The following GEN1 variants were observed in gnomAD, a reference collection of about 807,000 sequenced individuals.
The protein encoded by GEN1 is GEN1 structure-specific endonuclease.
GEN1 carries 64 observed loss-of-function variants against 67.6 expected under a neutral mutation model. That is an observed-to-expected ratio of 0.95 (90% CI 0.77 to 1.17). The LOEUF is 1.17. GEN1 is among the 50% of genes most tolerant of loss of function. GEN1 has a pLI of 0.00. For synonymous variants in GEN1, 371 were observed against 359.4 expected, an observed-to-expected ratio of 1.03 and a Z score of -0.37; for missense variants, 1,058 against 1,048.3, an observed-to-expected ratio of 1.01 and a Z score of -0.13.
At position 17,783,060 on chromosome 2, in the gene GEN1, G is replaced by T. The variant is rs1572429901; in HGVS notation, c.*1121G>T. ...GCAATGATCATTGCATTTTGTTTTT[G>T]TTTGTTTGTTTTTTTTTGAGACAGA... On this transcript the variant is annotated 3_prime_UTR_variant, in exon 14 of 14. Coordinates refer to ENST00000381254, the MANE Select transcript of GEN1 (RefSeq NM_001130009.3). The T allele has an allele frequency of 6.6e-6, 1 of 151,652 alleles. No individual in the cohort carries two copies. The highest frequency in any genetic ancestry group is 1.9e-4 in the East Asian group (1 of 5,178). 9.4% of individuals were successfully genotyped at this position (151,652 alleles called of 1,614,324 possible). A position where few individuals can be genotyped will look rare whatever the true frequency, so the allele number is the denominator to read the frequency against.
At chr2:17,769,679 G>A (rs1045923693) in intron 6 of GEN1, among the ~76,000 whole-genome samples, 13 of 151,940 alleles carry the variant, frequency 8.6e-5, no homozygotes, top group African/African-American at 2.9e-4. Context: ...ACATTAATTC[G>A]TTTAGTCTCT....
intron 5 of GEN1, among the ~76,000 whole-genome samples, chr2:17,767,925 A>G (rs1672007895): frequency 6.6e-6 from 1 of 152,234 alleles, no homozygotes; most frequent in Non-Finnish European, 1.5e-5. Context: ...CATAGGCAAT[A>G]GAGATGGAAG....
rs765801668 is a variant in GEN1, at chr2:17,781,229, C to T, written c.2017C>T (p.Pro673Ser). 1 of 1,613,344 alleles carries T rather than the reference C, an allele frequency of 6.2e-7. No homozygotes were observed. The highest frequency in any genetic ancestry group is 8.5e-7 in the Non-Finnish European group (1 of 1,179,394). ...TACTGATTTATGTCTTCAGGATTTG[C>T]CTTTAAAGGAACGAATATTTACAAA... ...GITDLCLQDL[P>S]LKERIFTKLS... The change falls in exon 14 of 14, where the codon CCT becomes TCT. Residue 673 changes from proline to serine, a missense_variant. Pro to Ser is a moderately conservative substitution (Grantham distance 74). Transcript: ENST00000381254.
chr2:17,755,043 G>A (rs1671350103), intron 1 of GEN1: 1 of 152,146 alleles, frequency 6.6e-6, no homozygotes, highest in Non-Finnish European at 1.5e-5. Context: ...CAAATAAATT[G>A]ATGTTGAAAT....
chr2:17,774,238 C>G (rs750932625), intron 10 of GEN1, 33 bp from the exon 11 acceptor site: 1 of 1,305,318 alleles, frequency 7.7e-7, no homozygotes, highest in Admixed American at 2.4e-5. Flanking sequence ...CAAGAGATAA[C>G]AAAATCTTGT....
At chr2:17,773,193 G>A in intron 9 of GEN1, 26 bp from the exon 10 acceptor site, 1 of 1,564,940 alleles carries the variant, frequency 6.4e-7, no homozygotes, top group East Asian at 2.2e-5. Context: ...TTAAATCTCA[G>A]TTTCTATTTT....
In GEN1 at chr2:17,786,417, C is replaced by T. The variant is rs1673061871; in HGVS notation, c.*4478C>T. On this transcript the variant is annotated 3_prime_UTR_variant, in exon 14 of 14. Transcript: ENST00000381254. ...GGATCCTAACGTGGCATTTGAGCTA[C>T]TGGAAAAAAATTGTGCTTGCTTAAA... 1 of 152,166 alleles carries T rather than the reference C, an allele frequency of 6.6e-6. No individual in the cohort carries two copies. The highest frequency in any genetic ancestry group is 2.1e-4 in the South Asian group (1 of 4,832). The allele number at this position is 152,166 out of a possible 1,614,324, so 9.4% of individuals were successfully genotyped here.
In GEN1 at chr2:17,766,455, C is replaced by T. The variant is rs144300831; in HGVS notation, c.526-124C>T. ...AGAGTGCTGGGATTACAGGCATGAGCCACCATGCCCAGCCTGGAATAATTA... is the reference window on the plus strand; with the variant it reads ...AGAGTGCTGGGATTACAGGCATGAGTCACCATGCCCAGCCTGGAATAATTA... On this transcript the variant is annotated intron_variant, in intron 4 of 13. Transcript: ENST00000381254. The T allele has an allele frequency of 1.4e-3, 823 of 587,586 alleles. 9 individuals are homozygous for T. The highest frequency in any genetic ancestry group is 0.014 in the African/African-American group (727 of 52,238). The allele number at this position is 587,586 out of a possible 1,614,324, so 36.4% of individuals were successfully genotyped here.
At chr2:17,767,048 GT>G (rs1200623426) in intron 5 of GEN1, among the ~76,000 whole-genome samples, 12 of 151,946 alleles carry the variant, frequency 7.9e-5, no homozygotes, top group Non-Finnish European at 4.4e-5. Context: ...TCTTTTTTCT[GT>G]TTTTTAGTTT....
chr2:17,787,389 G>T lies in GEN1; in HGVS notation c.*5450G>T, dbSNP rs997435393. 2 of 152,134 alleles carry T rather than the reference G, an allele frequency of 1.3e-5. No homozygotes were observed. The highest frequency in any genetic ancestry group is 2.9e-5 in the Non-Finnish European group (2 of 68,040). The allele number at this position is 152,134 out of a possible 1,614,324, so 9.4% of individuals were successfully genotyped here. A position where few individuals can be genotyped will look rare whatever the true frequency, so the allele number is the denominator to read the frequency against. On this transcript the variant is annotated 3_prime_UTR_variant, in exon 14 of 14. Coordinates refer to ENST00000381254, the MANE Select transcript of GEN1 (RefSeq NM_001130009.3). ...CACTTCCCCCAGATGCCTACACAGG[G>T]TTTGACTCTTCTGCCTCACCAACTC... is the stretch of plus-strand genomic sequence containing the variant.
Position 17,781,872 on chromosome 2 carries a change from CTG to C in GEN1, c.2661_2662del (p.Gly888TyrfsTer5). ...CAATGTCATAAGAAAGAAAACAACT[CTG>C]GTACTTGTTTGGATAGCCCTCTTCC... On this transcript the variant is annotated frameshift_variant, in exon 14 of 14. Transcript: ENST00000381254. LOFTEE classifies it high-confidence loss of function. 3 of 1,598,250 alleles carry C rather than the reference CTG, an allele frequency of 1.9e-6. No homozygotes were observed. The highest frequency in any genetic ancestry group is 2.6e-6 in the Non-Finnish European group (3 of 1,175,764).
In GEN1 at chr2:17,779,990, T is replaced by G. The variant is rs1207556297; in HGVS notation, c.1277T>G (p.Met426Arg). Reference protein sequence around the residue: ...IEWEKPEHYAMEDKQHGEFAL... With the variant: ...IEWEKPEHYAREDKQHGEFAL... Reference sequence around the variant, plus strand: ...TTTAATCTTTTAGAACATTATGCTATGGAAGATAAACAACATGGAGAATTT... The same window carrying G: ...TTTAATCTTTTAGAACATTATGCTAGGGAAGATAAACAACATGGAGAATTT... Residue 426 changes from methionine to arginine, a missense_variant, in exon 13 of 14, where the codon ATG becomes AGG. Physicochemically the swap from Met to Arg is moderately conservative, Grantham distance 91. Transcript: ENST00000381254. The G allele has an allele frequency of 8.7e-6, 14 of 1,601,468 alleles. No homozygotes were observed. Among genetic ancestry groups the G allele is most frequent in the African/African-American group, 2.7e-5 (2 of 74,636 alleles).
chr2:17,786,124 T>G lies in GEN1; in HGVS notation c.*4185T>G, dbSNP rs1673052256. ...ATGTGACAGGCATTGTGCTGGGCCCTGGAGATACAGTGATCAATGGCATCC... is the reference window on the plus strand; with the variant it reads ...ATGTGACAGGCATTGTGCTGGGCCCGGGAGATACAGTGATCAATGGCATCC... On this transcript the variant is annotated 3_prime_UTR_variant, in exon 14 of 14. Coordinates refer to ENST00000381254, the MANE Select transcript of GEN1 (RefSeq NM_001130009.3). 2 of 152,292 alleles carry G rather than the reference T, an allele frequency of 1.3e-5. No homozygotes were observed. The allele number at this position is 152,292 out of a possible 1,614,324, so 9.4% of individuals were successfully genotyped here. A position where few individuals can be genotyped will look rare whatever the true frequency, so the allele number is the denominator to read the frequency against.
chr2:17,760,002 G>T lies in GEN1; in HGVS notation c.59G>T (p.Arg20Leu), dbSNP rs375511356. 6.2e-6 allele frequency: 10 copies of T among 1,613,926 alleles called. No homozygotes were observed. Among genetic ancestry groups the T allele is most frequent in the Non-Finnish European group, 7.6e-6 (9 of 1,179,992 alleles). ...CCTGTTAAGCAACACATCCCCTTGC[G>T]TAATCTTGGTGGGAAAACCATTGCA... Reference protein sequence around the residue: ...LEPVKQHIPLRNLGGKTIAVD... With the variant: ...LEPVKQHIPLLNLGGKTIAVD... Residue 20 changes from arginine to leucine, a missense_variant, in exon 2 of 14, where the codon CGT becomes CTT. Coordinates refer to ENST00000381254, the MANE Select transcript of GEN1 (RefSeq NM_001130009.3).
At chr2:17,772,051 C>G (rs1055664254) in intron 7 of GEN1, among the ~76,000 whole-genome samples, 2 of 151,880 alleles carry the variant, frequency 1.3e-5, no homozygotes, top group Admixed American at 6.6e-5. Context: ...TGTGCTCTTA[C>G]ATATTCTCAA....
chr2:17,773,656 A>G (rs570600776), intron 10 of GEN1, among the ~76,000 whole-genome samples: 1 of 152,240 alleles, frequency 6.6e-6, no homozygotes, highest in South Asian at 2.1e-4. Context: ...TTAATGACCT[A>G]AATTTAAATT....
At chr2:17,763,837 C>T (rs1190893573) in intron 3 of GEN1, among the ~76,000 whole-genome samples, 1 of 152,198 alleles carries the variant, frequency 6.6e-6, no homozygotes, top group Non-Finnish European at 1.5e-5. Context: ...AGTACTTTGA[C>T]TTTTTGAACC....
At chr2:17,777,198 G>A (rs1239905606) in intron 11 of GEN1, among the ~76,000 whole-genome samples, 1 of 152,064 alleles carries the variant, frequency 6.6e-6, no homozygotes, top group East Asian at 1.9e-4. Flanking sequence ...AACACAGAGG[G>A]AAGATGTGAA....
rs1671287343 is a variant in GEN1 at position 17,754,346 on chromosome 2, G to GT, written c.-16+2dup. 6.6e-6 allele frequency: 1 copy of GT among 152,212 alleles called. No homozygotes were observed. The highest frequency in any genetic ancestry group is 2.4e-5 in the African/African-American group (1 of 41,416). The allele number at this position is 152,212 out of a possible 1,614,324, so 9.4% of individuals were successfully genotyped here. A position where few individuals can be genotyped will look rare whatever the true frequency, so the allele number is the denominator to read the frequency against. ...GAGCCAAGGAGGAAGGGTTGTCCGGGTAAGTCCCGCGGGACGTGGAGAGAC... is the reference window on the plus strand; with the variant it reads ...GAGCCAAGGAGGAAGGGTTGTCCGGGTTAAGTCCCGCGGGACGTGGAGAGAC... On this transcript the variant is annotated splice_donor_variant, in intron 1 of 13. Transcript: ENST00000381254. LOFTEE classifies it low-confidence loss of function (5UTR_SPLICE).
Sources: gnomAD v4.1 joint callset for allele counts (sites outside exome capture counted in the v4.1 genomes callset) on GRCh38, gnomAD v4.1.1 for gene constraint, MANE v1.5 for transcripts, NCBI Gene and HGNC (gene_info 2026-07-23, HGNC 2026-07-21) for gene names.